JAKMIP1: variants seen among roughly 807,000 people sequenced by gnomAD.
JAKMIP1 encodes the protein janus kinase and microtubule interacting protein 1.
In JAKMIP1, 33 loss-of-function variants were observed where a neutral mutation model predicts 113.0. That is an observed-to-expected ratio of 0.29 (90% CI 0.22 to 0.39). The LOEUF is 0.39. Among genes scored for constraint, JAKMIP1 ranks in the 10% least tolerant of loss-of-function variants. The probability of loss-of-function intolerance (pLI) is 1.00; values close to 1 mark genes in which losing one functional copy is unlikely to be tolerated. For synonymous variants in JAKMIP1, 480 were observed against 459.9 expected (o/e 1.04, Z -0.56); for missense variants, 813 against 1,080.5 (o/e 0.75, Z 3.47).
intron 18 of JAKMIP1, among the ~76,000 whole-genome samples, chr4:6,036,904 G>A (rs1027477805): frequency 2.6e-5 from 4 of 151,324 alleles, no homozygotes; most frequent in African/African-American, 7.4e-5. Context: ...TACTGAGGCA[G>A]AGGTTAACCA....
chr4:6,184,017 C>T lies in JAKMIP1; in HGVS notation c.-148+16236G>A, dbSNP rs1309078580. Among the ~76,000 whole-genome samples, 1 of 152,216 alleles carries T rather than the reference C, an allele frequency of 6.6e-6. No homozygotes were observed. The highest frequency in any genetic ancestry group is 2.4e-5 in the African/African-American group (1 of 41,454). On this transcript the variant is annotated intron_variant, in intron 1 of 20. Coordinates refer to ENST00000409021, the MANE Select transcript of JAKMIP1 (RefSeq NM_001099433.2). The surrounding 1 kb of genome is among the most constrained non-coding windows in gnomAD (Gnocchi z 4.5). ...TGAAAGTTGAATTCATCAGAGCAAC[C>T]TCACTGTCCTCACTGACTGACCTTA...
intron 1 of JAKMIP1, among the ~76,000 whole-genome samples, chr4:6,121,324 C>G (rs1006879088): frequency 6.6e-6 from 1 of 152,054 alleles, no homozygotes; most frequent in African/African-American, 2.4e-5. Flanking sequence ...ATGACTCTAT[C>G]AACAGTGGGC....
rs147508551 is a variant in JAKMIP1 at position 6,032,069 on chromosome 4, G to A, written c.2380-2288C>T. 3.6e-4 allele frequency among the ~76,000 whole-genome samples: 55 copies of A among 152,308 alleles called. No homozygotes were observed. The East Asian group carries it at 6.9e-3, about 19-fold the overall frequency. ...AGGGCATGTGGCCTGAACCCGGCTT[G>A]AATTCTGGGCCCCAAATGTAGCAGC... On this transcript the variant is annotated intron_variant, in intron 19 of 20. Coordinates refer to ENST00000409021, the MANE Select transcript of JAKMIP1 (RefSeq NM_001099433.2).
At chr4:6,112,653 C>G in intron 2 of JAKMIP1, 69 bp downstream of exon 2, 7 of 1,562,458 alleles carry the variant, frequency 4.5e-6, no homozygotes, top group Non-Finnish European at 6.1e-6. Context: ...CACACACATG[C>G]CTCAGAGGCA....
Position 6,062,414 on chromosome 4 carries a change from C to T in JAKMIP1, c.1458G>A (p.Leu486=), listed in dbSNP as rs1377213524. The T allele has an allele frequency of 1.9e-6, 3 of 1,613,686 alleles. No individual in the cohort carries two copies. Among genetic ancestry groups the T allele is most frequent in the East Asian group, 2.2e-5 (1 of 44,896 alleles). The change falls in exon 10 of 21, where the codon CTG becomes CTA. Residue 486 remains leucine (L), a synonymous_variant. Coordinates refer to ENST00000409021, the MANE Select transcript of JAKMIP1 (RefSeq NM_001099433.2). The stretch of plus-strand genomic sequence containing the variant: ...ACTCCCGGGTCAGCTGGCAGAAGCG[C>T]AGGTCAGCCTCCTCTCGGGCTGTGG... ...DDATAREEAD[L]RFCQLTREYQ...
chr4:6,072,293 C>T (rs989103923), intron 8 of JAKMIP1, among the ~76,000 whole-genome samples: 1 of 152,218 alleles, frequency 6.6e-6, no homozygotes, highest in Non-Finnish European at 1.5e-5. Flanking sequence ...TCAGATCTGT[C>T]TCCAGGGTAC....
intron 20 of JAKMIP1, among the ~76,000 whole-genome samples, chr4:6,027,841 C>CA (rs150496611): frequency 0.19 from 29,297 of 152,200 alleles, 3,315 homozygotes; most frequent in Non-Finnish European, 0.25. Flanking sequence ...TTTTAATCAG[C>CA]AAGGATGACC....
intron 9 of JAKMIP1, 31 bp from the exon 10 acceptor site, chr4:6,062,471 C>A (rs1717442530): frequency 1.3e-6 from 2 of 1,590,854 alleles, no homozygotes; most frequent in South Asian, 2.3e-5. Flanking sequence ...AACAAATAAT[C>A]AAGTGCAAAA....
intron 1 of JAKMIP1, among the ~76,000 whole-genome samples, chr4:6,148,601 G>A (rs1344584947): frequency 6.6e-6 from 1 of 152,228 alleles, no homozygotes; most frequent in East Asian, 1.9e-4. Flanking sequence ...GCATTTCCTG[G>A]TGCGCTCCCC....
rs1276465514 is a variant in JAKMIP1, at chr4:6,042,829, G to A, written c.2029-602C>T. Among the ~76,000 whole-genome samples the A allele has an allele frequency of 2.0e-5, 3 of 152,080 alleles. No homozygotes were observed. The highest frequency in any genetic ancestry group is 4.4e-5 in the Non-Finnish European group (3 of 68,022). ...GAGGTGGAATCACACACAGGGTAGG[G>A]GGTGTAGGAGCATGAAAGCAGGGTT... On this transcript the variant is annotated intron_variant, in intron 16 of 20. Coordinates refer to ENST00000409021, the MANE Select transcript of JAKMIP1 (RefSeq NM_001099433.2). The surrounding 1 kb of genome is among the most constrained non-coding windows in gnomAD (Gnocchi z 5.2).
Position 6,051,788 on chromosome 4 carries a change from G to C in JAKMIP1, c.1807-1109C>G, listed in dbSNP as rs1715692816. On this transcript the variant is annotated intron_variant, in intron 13 of 20. Coordinates refer to ENST00000409021, the MANE Select transcript of JAKMIP1 (RefSeq NM_001099433.2). The surrounding 1 kb of genome is among the most constrained non-coding windows in gnomAD (Gnocchi z 5.0). ...TTACTTACAGGGCTAAAGCACAGTG[G>C]CAGAACAGGACTCAGGTCTCAGATG... Among the ~76,000 whole-genome samples, 1 of 152,206 alleles carries C rather than the reference G, an allele frequency of 6.6e-6. No homozygotes were observed. The highest frequency in any genetic ancestry group is 1.5e-5 in the Non-Finnish European group (1 of 68,044).
chr4:6,098,168 C>T (rs1055946072), intron 3 of JAKMIP1, among the ~76,000 whole-genome samples: 4 of 152,208 alleles, frequency 2.6e-5, no homozygotes, highest in African/African-American at 7.2e-5. Context: ...CGGTGGCTCA[C>T]GCCTGTAATC....
chr4:6,079,266 G>GGATA lies in JAKMIP1; in HGVS notation c.1243-272_1243-269dup, dbSNP rs1720150670. Among the ~76,000 whole-genome samples the GGATA allele has an allele frequency of 2.0e-5, 3 of 152,282 alleles. No individual in the cohort carries two copies. The South Asian group carries it at 6.2e-4, about 32-fold the overall frequency. ...TTTGTGTAATGAAGCAAAGATGGAT[G>GGATA]GATAGATAGATGTATGCATAGATAA... On this transcript the variant is annotated intron_variant, in intron 7 of 20. Transcript: ENST00000409021.
Position 6,069,916 on chromosome 4 carries a change from T to C in JAKMIP1, c.1303-4908A>G, listed in dbSNP as rs916461508. ...CAAAACAAATAGCCCCCCAACCAGA[T>C]CCAGTCTCTCTCAGCCACCTGTCTT... On this transcript the variant is annotated intron_variant, in intron 8 of 20. Coordinates refer to ENST00000409021, the MANE Select transcript of JAKMIP1 (RefSeq NM_001099433.2). This position sits in a 1 kb window ranked among gnomAD's most constrained non-coding sequence, Gnocchi z 4.5. 2 of 394,038 alleles carry C rather than the reference T, an allele frequency of 5.1e-6. No homozygotes were observed. The highest frequency in any genetic ancestry group is 4.1e-5 in the African/African-American group (2 of 48,282). The allele number at this position is 394,038 out of a possible 1,614,324, so 24.4% of individuals were successfully genotyped here.
In JAKMIP1 at chr4:6,184,308, G is replaced by A. The variant is rs577716117; in HGVS notation, c.-148+15945C>T. Among the ~76,000 whole-genome samples, 2 of 152,068 alleles carry A rather than the reference G, an allele frequency of 1.3e-5. No homozygotes were observed. Among genetic ancestry groups the A allele is most frequent in the African/African-American group, 2.4e-5 (1 of 41,390 alleles). On this transcript the variant is annotated intron_variant, in intron 1 of 20. Transcript: ENST00000409021. The surrounding 1 kb of genome is among the most constrained non-coding windows in gnomAD (Gnocchi z 4.5). ...CAAATGCCCTAGGGAAGGAAGAACC[G>A]CTCCCAGGCACCACAGCCAGGAAGG...
At chr4:6,054,598 G>GC (rs1716093749) in intron 12 of JAKMIP1, 2 of 379,756 alleles carry the variant, frequency 5.3e-6, no homozygotes, top group Non-Finnish European at 5.2e-6. Context: ...GGCAGGGAGG[G>GC]CCCCTCCTGC....
intron 1 of JAKMIP1, among the ~76,000 whole-genome samples, chr4:6,195,868 G>A (rs1364919951): frequency 6.6e-6 from 1 of 152,222 alleles, no homozygotes; most frequent in Non-Finnish European, 1.5e-5. Context: ...TGGCACAAAT[G>A]CAGCCACAGA....
At chr4:6,095,677 C>G (rs915773821) in intron 3 of JAKMIP1, among the ~76,000 whole-genome samples, 2 of 152,200 alleles carry the variant, frequency 1.3e-5, no homozygotes, top group Non-Finnish European at 2.9e-5. Flanking sequence ...CTGATGTGTA[C>G]GTAAGATTTG....
intron 16 of JAKMIP1, among the ~76,000 whole-genome samples, chr4:6,045,963 A>G (rs1326265729): frequency 2.0e-5 from 3 of 152,212 alleles, no homozygotes; most frequent in Non-Finnish European, 4.4e-5. Context: ...AATAAAGAGT[A>G]TTTAGTGGAG....
Sources: gnomAD v4.1 joint callset for allele counts (sites outside exome capture counted in the v4.1 genomes callset) on GRCh38, gnomAD v4.1.1 for gene constraint, Gnocchi (gnomAD v3.1) non-coding constraint, MANE v1.5 for transcripts, NCBI Gene and HGNC (gene_info 2026-07-23, HGNC 2026-07-21) for gene names.